KIAA0319L: variants seen among roughly 807,000 people sequenced by gnomAD.
KIAA0319L encodes KIAA0319 like.
In KIAA0319L, 55 loss-of-function variants were observed where a neutral mutation model predicts 120.1. The ratio of observed to expected loss-of-function variants is 0.46; its 90% CI spans 0.37 to 0.57. The LOEUF is 0.57. Ranked by LOEUF, KIAA0319L falls within the 20% of genes least tolerant of loss-of-function variation. The pLI is 0.00. For synonymous variants in KIAA0319L, 398 were observed against 471.9 expected (o/e 0.84, Z 2.03); for missense variants, 1,049 against 1,255.3 (o/e 0.84, Z 2.48).
At chr1:35,470,515 G>GA (rs1176995152) in intron 6 of KIAA0319L, among the ~76,000 whole-genome samples, 1 of 114,120 alleles carries the variant, frequency 8.8e-6, no homozygotes, top group African/African-American at 3.3e-5. Context: ...AAAAAAAAAA[G>GA]AAAAAACCTA....
chr1:35,529,324 C>T (rs1646272917), intron 2 of KIAA0319L, among the ~76,000 whole-genome samples: 1 of 152,124 alleles, frequency 6.6e-6, no homozygotes, highest in Admixed American at 6.6e-5. Context: ...ATCTTTTGTT[C>T]CTTTCTTATT....
intron 2 of KIAA0319L, among the ~76,000 whole-genome samples, chr1:35,532,205 C>T (rs1356007916): frequency 6.6e-6 from 1 of 150,396 alleles, no homozygotes; most frequent in Non-Finnish European, 1.5e-5. Flanking sequence ...TGTGCCACTA[C>T]ACTCCAGCCT....
At chr1:35,454,900 G>C (rs1053729919) in intron 10 of KIAA0319L, among the ~76,000 whole-genome samples, 1 of 152,184 alleles carries the variant, frequency 6.6e-6, no homozygotes, top group East Asian at 1.9e-4. Flanking sequence ...TAACAAAGCT[G>C]TCTCAGTGAA....
intron 4 of KIAA0319L, 121 bp from the exon 5 acceptor site, chr1:35,475,027 C>T (rs1558400075): frequency 1.7e-6 from 1 of 603,282 alleles, no homozygotes; most frequent in African/African-American, 1.9e-5. Context: ...CAATTACTAA[C>T]TTTTTTCTAC....
chr1:35,438,179 C>T (rs924789570), intron 20 of KIAA0319L, among the ~76,000 whole-genome samples: 9 of 152,240 alleles, frequency 5.9e-5, no homozygotes, highest in African/African-American at 7.2e-5. Flanking sequence ...CAAACTTTCA[C>T]AATTTGGGCC....
At chr1:35,546,318 A>T (rs1646981908) in intron 2 of KIAA0319L, among the ~76,000 whole-genome samples, 1 of 152,230 alleles carries the variant, frequency 6.6e-6, no homozygotes, top group Non-Finnish European at 1.5e-5. Flanking sequence ...GCAAGTGAGG[A>T]AACGGTCTCA....
At chr1:35,509,553 A>G (rs1464814034) in intron 2 of KIAA0319L, among the ~76,000 whole-genome samples, 1 of 152,254 alleles carries the variant, frequency 6.6e-6, no homozygotes, top group Non-Finnish European at 1.5e-5. Flanking sequence ...ATTGACAGCA[A>G]CCACTAGAAG....
rs758940959 is a variant in KIAA0319L, at chr1:35,474,444, T to C, written c.1015+361A>G. On this transcript the variant is annotated intron_variant, in intron 5 of 20. Transcript: ENST00000325722. ...CTGATGCTTATTAATATAGAACATATTTATTAGGTTGTATTTAAATCCATT... is the reference window on the plus strand; with the variant it reads ...CTGATGCTTATTAATATAGAACATACTTATTAGGTTGTATTTAAATCCATT... 1.8e-4 allele frequency among the ~76,000 whole-genome samples: 28 copies of C among 152,332 alleles called. No homozygotes were observed. The South Asian group carries it at 2.5e-3, about 14-fold the overall frequency.
intron 6 of KIAA0319L, among the ~76,000 whole-genome samples, chr1:35,470,366 C>A (rs1339030856): frequency 6.6e-6 from 1 of 151,626 alleles, no homozygotes; most frequent in African/African-American, 2.4e-5. Context: ...AATGGCATGA[C>A]CCTGCAGTCT....
At chr1:35,469,670 T>A (rs1643490124) in intron 6 of KIAA0319L, among the ~76,000 whole-genome samples, 1 of 151,834 alleles carries the variant, frequency 6.6e-6, no homozygotes, top group Admixed American at 6.6e-5. Flanking sequence ...TTCCAAGGCT[T>A]CATTGACCCT....
At chr1:35,485,658 G>A (rs749553073) in intron 3 of KIAA0319L, among the ~76,000 whole-genome samples, 39 of 152,106 alleles carry the variant, frequency 2.6e-4, no homozygotes, top group Non-Finnish European at 3.4e-4. Flanking sequence ...AACAGGCACT[G>A]CAACCTTCAG....
At chr1:35,461,495 C>CA (rs1642887385) in intron 8 of KIAA0319L, among the ~76,000 whole-genome samples, 2 of 152,074 alleles carry the variant, frequency 1.3e-5, no homozygotes, top group African/African-American at 4.8e-5. Context: ...CTCCAACATA[C>CA]AAAAACAAGC....
intron 2 of KIAA0319L, among the ~76,000 whole-genome samples, chr1:35,527,997 G>A (rs1646218921): frequency 6.6e-6 from 1 of 151,874 alleles, no homozygotes; most frequent in East Asian, 1.9e-4. Context: ...TTTTTTTGAT[G>A]TAGGTGTTTA....
Position 35,450,463 on chromosome 1 carries a change from A to T in KIAA0319L, c.2109T>A (p.Ile703=), listed in dbSNP as rs1570640129. 1 of 1,614,058 alleles carries T rather than the reference A, an allele frequency of 6.2e-7. No homozygotes were observed. Among genetic ancestry groups the T allele is most frequent in the Non-Finnish European group, 8.5e-7 (1 of 1,179,892 alleles). ...PIAKITGNVV[I]TLPTSTAELD... ...GCTCTGCTGTGCTCGTGGGTAGGGT[A>T]ATCACCACATTCCCAGTTATCTTGG... The change falls in exon 14 of 21, where the codon ATT becomes ATA. Residue 703 remains isoleucine (I), a synonymous_variant. Transcript: ENST00000325722.
chr1:35,520,687 C>A (rs2148441804), intron 2 of KIAA0319L, among the ~76,000 whole-genome samples: 1 of 152,234 alleles, frequency 6.6e-6, no homozygotes, highest in East Asian at 1.9e-4. Context: ...CCATTCTTTT[C>A]AAAATTGAAG....
At chr1:35,510,154 T>A (rs1645370423) in intron 2 of KIAA0319L, 1 of 152,174 alleles carries the variant, frequency 6.6e-6, no homozygotes, top group Non-Finnish European at 1.5e-5. Context: ...ATCATACTAG[T>A]GAGAAACCCC....
chr1:35,506,495 T>C lies in KIAA0319L; in HGVS notation c.666+117A>G. ...AAGAAGCTGACACCAAGCAGCTTTATATATACACTCCTCAGCCTATGAGCA... is the reference window on the plus strand; with the variant it reads ...AAGAAGCTGACACCAAGCAGCTTTACATATACACTCCTCAGCCTATGAGCA... On this transcript the variant is annotated intron_variant, in intron 3 of 20. Coordinates refer to ENST00000325722, the MANE Select transcript of KIAA0319L (RefSeq NM_024874.5). This position sits in a 1 kb window ranked among gnomAD's most constrained non-coding sequence, Gnocchi z 4.0. 4 of 986,702 alleles carry C rather than the reference T, an allele frequency of 4.1e-6. No individual in the cohort carries two copies. Among genetic ancestry groups the C allele is most frequent in the Non-Finnish European group, 6.0e-6 (4 of 661,894 alleles). 61.1% of individuals were successfully genotyped at this position (986,702 alleles called of 1,614,324 possible).
At chr1:35,499,383 G>C (rs568229349) in intron 3 of KIAA0319L, among the ~76,000 whole-genome samples, 1 of 152,122 alleles carries the variant, frequency 6.6e-6, no homozygotes, top group Non-Finnish European at 1.5e-5. Context: ...ACCAGAGAGA[G>C]TTTGTCTTCC....
chr1:35,494,569 TG>T (rs1644725615), intron 3 of KIAA0319L, among the ~76,000 whole-genome samples: 1 of 150,676 alleles, frequency 6.6e-6, no homozygotes, highest in South Asian at 2.1e-4. Context: ...CTGAGGTAGG[TG>T]GATTGCTTGA....
Sources: gnomAD v4.1 joint callset for allele counts (sites outside exome capture counted in the v4.1 genomes callset) on GRCh38, gnomAD v4.1.1 for gene constraint, Gnocchi (gnomAD v3.1) non-coding constraint, MANE v1.5 for transcripts, NCBI Gene and HGNC (gene_info 2026-07-23, HGNC 2026-07-21) for gene names.